Variants in ME1 observed in about 807,000 individuals in gnomAD.
ME1 encodes malic enzyme 1.
ME1 carries 74 observed loss-of-function variants against 66.4 expected under a neutral mutation model. That is an observed-to-expected ratio of 1.11 (90% confidence interval 0.92 to 1.35). The LOEUF (loss-of-function observed/expected upper bound fraction) is 1.35. Among genes scored for constraint, ME1 ranks in the 40% most tolerant of loss-of-function variants. ME1 has a pLI of 0.00. For missense variants in ME1, 750 were observed against 694.1 expected, an observed-to-expected ratio of 1.08 and a Z score of -0.90; for synonymous variants, 251 against 235.6, an observed-to-expected ratio of 1.07 and a Z score of -0.60.
chr6:83,300,567 G>T (rs1004293885), intron 6 of ME1, among the ~76,000 whole-genome samples: 1 of 149,566 alleles, frequency 6.7e-6, no homozygotes. Context: ...AGTAGGCAAA[G>T]GACATCAACA....
intron 12 of ME1, 23 bp from the exon 13 acceptor site, chr6:83,216,619 A>G: frequency 6.5e-7 from 1 of 1,527,736 alleles, no homozygotes; most frequent in Non-Finnish European, 8.9e-7. Flanking sequence ...AGAAAGAAAA[A>G]AAGTGTTTAT....
chr6:83,401,285 T>C (rs969226474), intron 2 of ME1, among the ~76,000 whole-genome samples: 3 of 152,172 alleles, frequency 2.0e-5, no homozygotes, highest in Non-Finnish European at 4.4e-5. Context: ...CAGTGAGCTA[T>C]GGTCACGTCA....
At chr6:83,326,614 G>T (rs147261850) in intron 5 of ME1, among the ~76,000 whole-genome samples, 1 of 152,098 alleles carries the variant, frequency 6.6e-6, no homozygotes, top group Non-Finnish European at 1.5e-5. Context: ...CATGTATGTG[G>T]CCAAAAAACA....
intron 6 of ME1, among the ~76,000 whole-genome samples, chr6:83,305,767 T>C (rs1767813596): frequency 6.6e-6 from 1 of 152,174 alleles, no homozygotes; most frequent in Non-Finnish European, 1.5e-5. Context: ...AGGGTTTCAA[T>C]TTCCTACAGA....
At chr6:83,232,337 TAA>T (rs1280282192) in intron 9 of ME1, among the ~76,000 whole-genome samples, 3 of 152,184 alleles carry the variant, frequency 2.0e-5, no homozygotes, top group Admixed American at 6.5e-5. Flanking sequence ...GTGCACTTGC[TAA>T]AAGAGTCCAG....
intron 7 of ME1, 137 bp downstream of exon 7, chr6:83,253,492 A>C: frequency 2.0e-6 from 1 of 497,216 alleles, no homozygotes; most frequent in Non-Finnish European, 3.6e-6. Flanking sequence ...GATGAGAAAT[A>C]GTATGTGACA....
intron 1 of ME1, among the ~76,000 whole-genome samples, chr6:83,425,732 T>A (rs1021429047): frequency 6.6e-6 from 1 of 152,238 alleles, no homozygotes; most frequent in African/African-American, 2.4e-5. Flanking sequence ...TTTTTGCCGA[T>A]GTTCTTACTC....
At chr6:83,393,412 C>T (rs1240418556) in intron 3 of ME1, 2 of 666,974 alleles carry the variant, frequency 3.0e-6, no homozygotes, top group African/African-American at 1.8e-5. Context: ...AGGAGTAAGA[C>T]CCCCAGACCA....
At chr6:83,282,751 A>G (rs550876008) in intron 6 of ME1, among the ~76,000 whole-genome samples, 147 of 152,330 alleles carry the variant, frequency 9.7e-4, no homozygotes, top group Non-Finnish European at 2.6e-4. Flanking sequence ...CAGCAATCCC[A>G]TTACTGGGTA....
chr6:83,230,439 T>C (rs1374451149), intron 9 of ME1, among the ~76,000 whole-genome samples: 1 of 152,152 alleles, frequency 6.6e-6, no homozygotes, highest in Non-Finnish European at 1.5e-5. Flanking sequence ...TCCTCATCTG[T>C]AAATAAGGAT....
At chr6:83,384,334 AT>A (rs561748348) in intron 3 of ME1, among the ~76,000 whole-genome samples, 1 of 151,140 alleles carries the variant, frequency 6.6e-6, no homozygotes. Context: ...CCAACATCTG[AT>A]TTTTTTTAAC....
chr6:83,348,850 T>G (rs1768737803), intron 4 of ME1, among the ~76,000 whole-genome samples: 1 of 150,458 alleles, frequency 6.6e-6, no homozygotes, highest in Non-Finnish European at 1.5e-5. Flanking sequence ...TACCTGGGCG[T>G]GGTGGCGAGT....
At chr6:83,231,179 TA>T (rs1434393761) in intron 9 of ME1, among the ~76,000 whole-genome samples, 10 of 151,900 alleles carry the variant, frequency 6.6e-5, no homozygotes, top group African/African-American at 2.4e-4. Flanking sequence ...AAACAAATAA[TA>T]AAAAAGACAG....
chr6:83,342,509 A>AT (rs1167166434), intron 5 of ME1, among the ~76,000 whole-genome samples: 1 of 152,182 alleles, frequency 6.6e-6, no homozygotes, highest in African/African-American at 2.4e-5. Flanking sequence ...TTACACCGAT[A>AT]TTACCTAGGC....
intron 3 of ME1, among the ~76,000 whole-genome samples, chr6:83,364,394 A>G (rs1032998235): frequency 4.6e-5 from 7 of 151,804 alleles, no homozygotes; most frequent in Admixed American, 3.3e-4. Context: ...AAACTCCCCT[A>G]TATATATATA....
chr6:83,364,357 T>C (rs765200335), intron 3 of ME1, among the ~76,000 whole-genome samples: 16 of 152,162 alleles, frequency 1.1e-4, no homozygotes, highest in African/African-American at 3.4e-4. Context: ...TTGTAGGACC[T>C]TGTGATTGTG....
At chr6:83,334,090 C>T (rs973919253) in intron 5 of ME1, among the ~76,000 whole-genome samples, 11 of 152,056 alleles carry the variant, frequency 7.2e-5, no homozygotes, top group East Asian at 3.9e-4. Flanking sequence ...AGACAGTGGG[C>T]GCAGGCCAGT....
At position 83,350,094 on chromosome 6, in the gene ME1, AT is replaced by A. The variant is rs1322647546; in HGVS notation, c.438+1969del. The stretch of plus-strand genomic sequence containing the variant: ...CATTTTGATTATATTTTGCTTAATA[AT>A]TGCCTTTATTTCATGGGTACTTTCA... On this transcript the variant is annotated intron_variant, in intron 4 of 13. Coordinates refer to ENST00000369705, the MANE Select transcript of ME1 (RefSeq NM_002395.6). Among the ~76,000 whole-genome samples the A allele has an allele frequency of 2.0e-5, 3 of 152,200 alleles. 1 individual carries two copies. Among genetic ancestry groups the A allele is most frequent in the African/African-American group, 2.4e-5 (1 of 41,454 alleles).
intron 5 of ME1, among the ~76,000 whole-genome samples, chr6:83,316,502 A>G (rs567386543): frequency 6.6e-6 from 1 of 152,174 alleles, no homozygotes; most frequent in Non-Finnish European, 1.5e-5. Context: ...CTCTTCACTT[A>G]CGATAGGGAA....
Sources: gnomAD v4.1 joint callset for allele counts (sites outside exome capture counted in the v4.1 genomes callset) on GRCh38, gnomAD v4.1.1 for gene constraint, MANE v1.5 for transcripts, NCBI Gene and HGNC (gene_info 2026-07-23, HGNC 2026-07-21) for gene names.